The following KCNMB2 variants were observed in gnomAD, a reference collection of about 807,000 sequenced individuals.
KCNMB2 encodes the protein potassium calcium-activated channel subfamily M regulatory beta subunit 2.
In KCNMB2, 9 loss-of-function variants were observed where a neutral mutation model predicts 24.5. The ratio of observed to expected loss-of-function variants is 0.37; its 90% CI spans 0.22 to 0.64. KCNMB2 has a LOEUF of 0.64. Ranked by LOEUF, KCNMB2 falls within the 30% of genes least tolerant of loss-of-function variation. KCNMB2 has a pLI of 0.63. For synonymous variants in KCNMB2, 109 were observed against 104.4 expected (o/e 1.04, Z -0.27); for missense variants, 226 against 284.3 (o/e 0.79, Z 1.47).
chr3:178,572,672 G>A (rs1054087902), intron 1 of KCNMB2, among the ~76,000 whole-genome samples: 33 of 152,082 alleles, frequency 2.2e-4, no homozygotes, highest in Admixed American at 3.9e-4. Flanking sequence ...ATAAAACAAA[G>A]GGAAATCCTA....
chr3:178,615,350 C>T (rs1322335444), intron 1 of KCNMB2, among the ~76,000 whole-genome samples: 1 of 150,490 alleles, frequency 6.6e-6, no homozygotes, highest in Non-Finnish European at 1.5e-5. Flanking sequence ...CTCTGTCCTT[C>T]CCTTCAGGAT....
intron 1 of KCNMB2, among the ~76,000 whole-genome samples, chr3:178,786,077 A>C (rs137880867): frequency 4.5e-4 from 68 of 152,294 alleles, no homozygotes; most frequent in African/African-American, 1.5e-3. Flanking sequence ...TAAGCAATAA[A>C]AGACATGAAT....
chr3:178,741,095 T>C (rs1723480050), intron 1 of KCNMB2, among the ~76,000 whole-genome samples: 1 of 152,216 alleles, frequency 6.6e-6, no homozygotes, highest in Non-Finnish European at 1.5e-5. Context: ...ATTTGTTGAA[T>C]TAATAAATGA....
chr3:178,656,492 GC>G (rs552836114), intron 1 of KCNMB2, among the ~76,000 whole-genome samples: 6 of 152,160 alleles, frequency 3.9e-5, no homozygotes, highest in Non-Finnish European at 7.3e-5. Flanking sequence ...CTGTGCTCAG[GC>G]TGGGTGCGGT....
intron 2 of KCNMB2, among the ~76,000 whole-genome samples, chr3:178,808,156 A>G (rs990684449): frequency 1.3e-5 from 2 of 152,164 alleles, no homozygotes; most frequent in Non-Finnish European, 2.9e-5. Flanking sequence ...CAAAGGCAGC[A>G]TTAATGAAAG....
intron 1 of KCNMB2, among the ~76,000 whole-genome samples, chr3:178,761,785 C>G (rs1042582774): frequency 6.6e-6 from 1 of 152,136 alleles, no homozygotes; most frequent in Non-Finnish European, 1.5e-5. Flanking sequence ...CCTAATATCA[C>G]GCATTGACCA....
At chr3:178,743,568 A>C (rs1261580669) in intron 1 of KCNMB2, among the ~76,000 whole-genome samples, 3 of 152,226 alleles carry the variant, frequency 2.0e-5, no homozygotes, top group Non-Finnish European at 4.4e-5. Flanking sequence ...ACCTGGTCAG[A>C]AAGAGCCCTG....
At chr3:178,777,804 A>C (rs2108427790) in intron 1 of KCNMB2, among the ~76,000 whole-genome samples, 1 of 152,320 alleles carries the variant, frequency 6.6e-6, no homozygotes, top group Non-Finnish European at 1.5e-5. Flanking sequence ...TATAGTAATT[A>C]TTTTTAGTAA....
chr3:178,542,628 A>G (rs1715657361), intron 1 of KCNMB2, among the ~76,000 whole-genome samples: 1 of 152,206 alleles, frequency 6.6e-6, no homozygotes, highest in Admixed American at 6.5e-5. Flanking sequence ...ACTGAAGGCT[A>G]CTGGTGGTTA....
intron 1 of KCNMB2, among the ~76,000 whole-genome samples, chr3:178,721,032 G>T (rs9839777): frequency 0.011 from 1,651 of 152,052 alleles, 32 homozygotes; most frequent in African/African-American, 0.038. Context: ...TGGTGTTTTA[G>T]ACATGAAGTC....
intron 1 of KCNMB2, among the ~76,000 whole-genome samples, chr3:178,705,314 G>T (rs1417807144): frequency 6.6e-6 from 1 of 152,062 alleles, no homozygotes; most frequent in African/African-American, 2.4e-5. Context: ...CAGCAAAGAA[G>T]GGAATGAATC....
chr3:178,569,166 G>C (rs1425170119), intron 1 of KCNMB2, among the ~76,000 whole-genome samples: 2 of 152,060 alleles, frequency 1.3e-5, no homozygotes, highest in African/African-American at 4.8e-5. Context: ...GGAATAAATA[G>C]CCACCAGAAG....
chr3:178,705,611 C>T (rs568158009), intron 1 of KCNMB2, among the ~76,000 whole-genome samples: 147 of 152,250 alleles, frequency 9.7e-4, no homozygotes, highest in Admixed American at 2.0e-3. Context: ...GATACATACA[C>T]ACTCCAGAAG....
intron 1 of KCNMB2, among the ~76,000 whole-genome samples, chr3:178,568,911 G>A (rs1416687458): frequency 6.6e-6 from 1 of 151,642 alleles, no homozygotes; most frequent in African/African-American, 2.4e-5. Flanking sequence ...TGGATAGATA[G>A]ACTGAACTAG....
chr3:178,716,145 CA>C (rs1722610652), intron 1 of KCNMB2, among the ~76,000 whole-genome samples: 1 of 152,206 alleles, frequency 6.6e-6, no homozygotes, highest in Admixed American at 6.5e-5. Flanking sequence ...GCAGTTTGAT[CA>C]CATACCCGCT....
chr3:178,651,691 C>A (rs1434734079), intron 1 of KCNMB2, among the ~76,000 whole-genome samples: 2 of 152,104 alleles, frequency 1.3e-5, no homozygotes, highest in Admixed American at 6.5e-5. Context: ...CTACAGTAAC[C>A]AAAACAGCAT....
At chr3:178,804,367 C>T (rs973206863) in intron 1 of KCNMB2, among the ~76,000 whole-genome samples, 1 of 152,066 alleles carries the variant, frequency 6.6e-6, no homozygotes, top group Non-Finnish European at 1.5e-5. Flanking sequence ...TGCACAGAAC[C>T]TTTGTACTGT....
chr3:178,666,525 C>T (rs1051151715), intron 1 of KCNMB2, among the ~76,000 whole-genome samples: 6 of 152,032 alleles, frequency 3.9e-5, no homozygotes, highest in Non-Finnish European at 8.8e-5. Flanking sequence ...CTTGATTCTG[C>T]GTGGTGTTTT....
chr3:178,572,771 G>A (rs1481362562), intron 1 of KCNMB2, among the ~76,000 whole-genome samples: 1 of 152,076 alleles, frequency 6.6e-6, no homozygotes, highest in African/African-American at 2.4e-5. Context: ...AGGAAGAAAA[G>A]CAATCAGCAA....
Sources: allele counts gnomAD v4.1 joint callset (sites outside exome capture counted in the v4.1 genomes callset), GRCh38; gene constraint gnomAD v4.1.1; transcripts MANE v1.5; gene names NCBI Gene and HGNC (gene_info 2026-07-23, HGNC 2026-07-21).